SPON1: variants seen among roughly 807,000 people sequenced by gnomAD.
The protein encoded by SPON1 is spondin 1.
A neutral mutation model predicts 111.7 loss-of-function variants in SPON1; 52 were observed. The observed-to-expected ratio is 0.47, with a 90% CI of 0.37 to 0.59. SPON1 has a LOEUF of 0.59. SPON1 is among the 20% of genes least tolerant of loss of function. SPON1 has a pLI of 0.00. For synonymous variants in SPON1, 410 were observed against 395.8 expected, an observed-to-expected ratio of 1.04 and a Z score of -0.43; for missense variants, 957 against 1,068.5, an observed-to-expected ratio of 0.90 and a Z score of 1.46.
At chr11:14,024,757 G>C (rs1489506377) in intron 2 of SPON1, among the ~76,000 whole-genome samples, 1 of 152,204 alleles carries the variant, frequency 6.6e-6, no homozygotes, top group East Asian at 1.9e-4. Context: ...CAAGGGTGGA[G>C]CCCCTGCCAG....
chr11:14,140,951 G>C (rs1401329766), intron 6 of SPON1, among the ~76,000 whole-genome samples: 1 of 151,896 alleles, frequency 6.6e-6, no homozygotes, highest in Non-Finnish European at 1.5e-5. Flanking sequence ...CCGAATGCTT[G>C]ATGGAGGGTT....
chr11:14,234,478 T>A (rs1258733366), intron 6 of SPON1, among the ~76,000 whole-genome samples: 1 of 152,202 alleles, frequency 6.6e-6, no homozygotes, highest in Non-Finnish European at 1.5e-5. Flanking sequence ...AGCAGCAGAC[T>A]TGTGTGAGCA....
At chr11:14,241,927 C>T (rs1848931743) in intron 6 of SPON1, among the ~76,000 whole-genome samples, 1 of 151,980 alleles carries the variant, frequency 6.6e-6, no homozygotes, top group Non-Finnish European at 1.5e-5. Context: ...AGAGGGTACC[C>T]CGGGGAGCCT....
intron 1 of SPON1, among the ~76,000 whole-genome samples, chr11:13,965,811 C>A (rs1178043355): frequency 1.3e-5 from 2 of 152,202 alleles, no homozygotes; most frequent in Non-Finnish European, 2.9e-5. Context: ...TTAAAAGTAA[C>A]TCAAACACAT....
intron 2 of SPON1, among the ~76,000 whole-genome samples, chr11:14,012,887 A>AT (rs1848416820): frequency 6.6e-6 from 1 of 152,202 alleles, no homozygotes; most frequent in Admixed American, 6.5e-5. Context: ...GGATGGCTAC[A>AT]TTTTTTGCCC....
intron 5 of SPON1, among the ~76,000 whole-genome samples, chr11:14,133,812 A>C (rs1179865162): frequency 6.6e-6 from 1 of 152,192 alleles, no homozygotes; most frequent in South Asian, 2.1e-4. Flanking sequence ...AAGGATAAAC[A>C]TGGGGTCTGC....
At chr11:14,224,057 T>C (rs1037256300) in intron 6 of SPON1, among the ~76,000 whole-genome samples, 2 of 152,254 alleles carry the variant, frequency 1.3e-5, no homozygotes, top group Non-Finnish European at 2.9e-5. Flanking sequence ...GAAGACTATT[T>C]GAAGACTCTA....
In SPON1 at chr11:14,259,519, C is replaced by T. The variant is rs782058450; in HGVS notation, c.1664-15C>T. On this transcript the variant is annotated splice_polypyrimidine_tract_variant and intron_variant, in intron 12 of 15. Transcript: ENST00000576479. The surrounding 1 kb of genome is among the most constrained non-coding windows in gnomAD (Gnocchi z 5.0). ...GAGGCAGCAGGTGCGACTCCAATGC[C>T]GCTGGCCTCCCCAGCTCCCAGCAGC... 2.1e-5 allele frequency: 33 copies of T among 1,558,466 alleles called. No individual in the cohort carries two copies. The East Asian group carries it at 3.9e-4, about 18-fold the overall frequency.
chr11:14,075,127 G>A (rs1554921287), intron 3 of SPON1, among the ~76,000 whole-genome samples: 1 of 151,994 alleles, frequency 6.6e-6, no homozygotes, highest in African/African-American at 2.4e-5. Flanking sequence ...GTGGTTTCTA[G>A]GTATGTGTTA....
chr11:14,052,320 GA>G (rs1848713707), intron 3 of SPON1, among the ~76,000 whole-genome samples: 1 of 152,198 alleles, frequency 6.6e-6, no homozygotes, highest in African/African-American at 2.4e-5. Context: ...TATCTTCAAA[GA>G]AAGTAACAGA....
chr11:14,229,630 C>T (rs1554938442), intron 6 of SPON1, among the ~76,000 whole-genome samples: 2 of 152,202 alleles, frequency 1.3e-5, no homozygotes, highest in Non-Finnish European at 2.9e-5. Context: ...CAAGGGCAGT[C>T]TGTCTGGTCT....
chr11:13,997,736 C>T lies in SPON1; in HGVS notation c.345+14783C>T, dbSNP rs73420231. Among the ~76,000 whole-genome samples the T allele has an allele frequency of 2.1e-3, 318 of 152,210 alleles. 4 individuals carry two copies. Among genetic ancestry groups the T allele is most frequent in the African/African-American group, 6.7e-3 (278 of 41,508 alleles). ...ATCTTTATTGTAATAGGATTGGGAT[C>T]GCTGTAAAATAAAATGAAAAATTTA... On this transcript the variant is annotated intron_variant, in intron 2 of 15. Coordinates refer to ENST00000576479, the MANE Select transcript of SPON1 (RefSeq NM_006108.4).
At chr11:14,038,115 G>A (rs1442945729) in intron 2 of SPON1, among the ~76,000 whole-genome samples, 1 of 134,040 alleles carries the variant, frequency 7.5e-6, no homozygotes, top group Non-Finnish European at 1.7e-5. Context: ...GCAGTGAGCC[G>A]AGATCGTGCC....
At chr11:14,132,477 G>A (rs1847539665) in intron 5 of SPON1, among the ~76,000 whole-genome samples, 1 of 152,114 alleles carries the variant, frequency 6.6e-6, no homozygotes, top group African/African-American at 2.4e-5. Flanking sequence ...GGGGAATTTG[G>A]AGTTAGCTGC....
chr11:13,962,948 C>T lies in SPON1; in HGVS notation c.44C>T (p.Ala15Val), dbSNP rs1554907633. 1.9e-6 allele frequency: 3 copies of T among 1,582,730 alleles called. No homozygotes were observed. The highest frequency in any genetic ancestry group is 1.4e-5 in the African/African-American group (1 of 73,402). Residue 15 changes from alanine to valine, a missense_variant, in exon 1 of 16, where the codon GCA becomes GTA. Ala to Val is a moderately conservative substitution (Grantham distance 64). Coordinates refer to ENST00000576479, the MANE Select transcript of SPON1 (RefSeq NM_006108.4). Reference protein sequence around the residue: ...PAPLKLSRTPALLALALPLAA... With the variant: ...PAPLKLSRTPVLLALALPLAA... ...CCCCTGAAGCTGAGCCGGACTCCGGCACTGCTGGCCCTGGCGCTGCCCCTG... is the reference window on the plus strand; with the variant it reads ...CCCCTGAAGCTGAGCCGGACTCCGGTACTGCTGGCCCTGGCGCTGCCCCTG...
intron 5 of SPON1, among the ~76,000 whole-genome samples, chr11:14,121,521 TG>T (rs1159160838): frequency 6.6e-6 from 1 of 152,122 alleles, no homozygotes; most frequent in Non-Finnish European, 1.5e-5. Flanking sequence ...CTGAAAAGCC[TG>T]GAGGTGCAGG....
intron 1 of SPON1, among the ~76,000 whole-genome samples, chr11:13,974,093 C>T (rs1848084419): frequency 6.6e-6 from 1 of 152,146 alleles, no homozygotes; most frequent in East Asian, 1.9e-4. Context: ...CCTGACCTGG[C>T]TAGGTGGCCT....
In SPON1 at chr11:14,160,650, T is replaced by C. The variant is rs1591393647; in HGVS notation, c.825+25082T>C. On this transcript the variant is annotated intron_variant, in intron 6 of 15. Coordinates refer to ENST00000576479, the MANE Select transcript of SPON1 (RefSeq NM_006108.4). ...ATATTTATATATATTTACATATATT[T>C]ATATATTTATATATATATTTACATA... Among the ~76,000 whole-genome samples, 4 of 19,812 alleles carry C rather than the reference T, an allele frequency of 2.0e-4. No individual in the cohort carries two copies. The South Asian group carries it at 8.2e-3, about 40-fold the overall frequency. 13.0% of individuals were successfully genotyped at this position (19,812 alleles called of 152,430 possible).
At chr11:14,033,339 A>G (rs1353149514) in intron 2 of SPON1, among the ~76,000 whole-genome samples, 1 of 152,152 alleles carries the variant, frequency 6.6e-6, no homozygotes, top group Non-Finnish European at 1.5e-5. Context: ...TAGATGTCTC[A>G]CTGCCATGGC....
Sources: allele counts gnomAD v4.1 joint callset (sites outside exome capture counted in the v4.1 genomes callset), GRCh38; gene constraint gnomAD v4.1.1; non-coding constraint Gnocchi (gnomAD v3.1); transcripts MANE v1.5; gene names NCBI Gene and HGNC (gene_info 2026-07-23, HGNC 2026-07-21).